Variants in PCDH15 observed in about 807,000 individuals in gnomAD.
The protein encoded by PCDH15 is protocadherin related 15.
Under a neutral mutation model 178.5 loss-of-function variants are expected in PCDH15, and 129 were observed. The ratio of observed to expected loss-of-function variants is 0.72; its 90% CI spans 0.63 to 0.84. The LOEUF (loss-of-function observed/expected upper bound fraction) is 0.84. PCDH15 is among the 40% of genes least tolerant of loss of function. The pLI is 0.00. For missense variants in PCDH15, 2,230 were observed against 2,099.9 expected, an observed-to-expected ratio of 1.06 and a Z score of -1.21; for synonymous variants, 800 against 732.0, an observed-to-expected ratio of 1.09 and a Z score of -1.50.
At chr10:54,998,752 C>T (rs531794069) in intron 2 of PCDH15, among the ~76,000 whole-genome samples, 1 of 152,066 alleles carries the variant, frequency 6.6e-6, no homozygotes, top group South Asian at 2.1e-4. Flanking sequence ...ACTAAATTTG[C>T]TATTCTGTTT....
At chr10:55,577,085 T>C (rs1305881971) in intron 2 of PCDH15, among the ~76,000 whole-genome samples, 5 of 151,760 alleles carry the variant, frequency 3.3e-5, no homozygotes, top group African/African-American at 4.8e-5. Context: ...CTGCTAAAAA[T>C]ACAAAAATTA....
intron 13 of PCDH15, among the ~76,000 whole-genome samples, chr10:54,175,899 C>G (rs2047384306): frequency 6.6e-6 from 1 of 151,792 alleles, no homozygotes; most frequent in South Asian, 2.1e-4. Context: ...TGATAATTAC[C>G]TATGATATAG....
At chr10:54,840,228 T>G (rs1953395019) in intron 3 of PCDH15, among the ~76,000 whole-genome samples, 1 of 151,982 alleles carries the variant, frequency 6.6e-6, no homozygotes, top group African/African-American at 2.4e-5. Flanking sequence ...TCAAGAGTGT[T>G]AAAAATAACT....
intron 2 of PCDH15, among the ~76,000 whole-genome samples, chr10:54,980,967 G>A (rs998472287): frequency 2.6e-5 from 4 of 151,686 alleles, no homozygotes; most frequent in South Asian, 2.1e-4. Flanking sequence ...AAAATGAAAC[G>A]TACATCTTAT....
At chr10:55,152,162 T>C (rs1206090706) in intron 2 of PCDH15, among the ~76,000 whole-genome samples, 6 of 152,118 alleles carry the variant, frequency 3.9e-5, no homozygotes, top group East Asian at 3.9e-4. Context: ...AATTCAGATG[T>C]TTTTAAAAAG....
At chr10:55,435,423 A>C (rs1289862079) in intron 2 of PCDH15, among the ~76,000 whole-genome samples, 2 of 152,166 alleles carry the variant, frequency 1.3e-5, no homozygotes, top group Admixed American at 1.3e-4. Flanking sequence ...AAATAATTTA[A>C]AAACAAATTA....
intron 1 of PCDH15, among the ~76,000 whole-genome samples, chr10:55,231,063 G>A (rs1489056557): frequency 1.3e-5 from 2 of 151,964 alleles, no homozygotes; most frequent in African/African-American, 4.8e-5. Context: ...CAATATTTGT[G>A]ATATATAGAC....
intron 3 of PCDH15, among the ~76,000 whole-genome samples, chr10:54,824,905 G>T (rs1591722980): frequency 6.6e-6 from 1 of 151,712 alleles, no homozygotes; most frequent in East Asian, 1.9e-4. Flanking sequence ...TAAGTTTTAG[G>T]GTACATGTGC....
chr10:54,851,657 T>C (rs1273409486), intron 3 of PCDH15, among the ~76,000 whole-genome samples: 7 of 152,132 alleles, frequency 4.6e-5, no homozygotes, highest in Non-Finnish European at 7.4e-5. Context: ...TGCAGTGGCA[T>C]GACCTCGGCT....
chr10:55,051,383 T>C (rs1841155964), intron 2 of PCDH15, among the ~76,000 whole-genome samples: 1 of 152,170 alleles, frequency 6.6e-6, no homozygotes, highest in South Asian at 2.1e-4. Flanking sequence ...TATTTTAATA[T>C]AGTAAACAGT....
At position 54,317,337 on chromosome 10, in the gene PCDH15, A is replaced by G; in HGVS notation, c.810T>C (p.Leu270=). ...GACGGCAATCACGAGTGTTTGGCAC[A>G]AGGACACAAGGAAGAAACATTGGAC... ...DLGPMFLPCV[L]VPNTRDCRPL... Residue 270 remains leucine, a synonymous_variant, in exon 8 of 38, where the codon CTT becomes CTC. Coordinates refer to ENST00000644397, the MANE Select transcript of PCDH15 (RefSeq NM_001384140.1). 6.2e-7 allele frequency: 1 copy of G among 1,614,042 alleles called. No homozygotes were observed. The highest frequency in any genetic ancestry group is 1.1e-5 in the South Asian group (1 of 91,078).
intron 1 of PCDH15, among the ~76,000 whole-genome samples, chr10:54,746,460 G>T (rs1381412562): frequency 6.6e-6 from 1 of 152,136 alleles, no homozygotes; most frequent in Admixed American, 6.5e-5. Context: ...ATAACCAAAA[G>T]AGTATAAGTG....
chr10:54,068,140 G>A (rs1054828957), intron 17 of PCDH15, among the ~76,000 whole-genome samples: 2 of 151,990 alleles, frequency 1.3e-5, no homozygotes, highest in Admixed American at 6.6e-5. Context: ...GGATTTAGGT[G>A]ATCTGCCCTT....
chr10:55,093,947 G>C (rs927678515), intron 2 of PCDH15, among the ~76,000 whole-genome samples: 4 of 152,066 alleles, frequency 2.6e-5, no homozygotes, highest in East Asian at 1.9e-4. Flanking sequence ...GTTGGTGGGA[G>C]TGTAAACTAG....
At chr10:54,840,008 A>G (rs1953390190) in intron 3 of PCDH15, among the ~76,000 whole-genome samples, 1 of 152,018 alleles carries the variant, frequency 6.6e-6, no homozygotes, top group Non-Finnish European at 1.5e-5. Flanking sequence ...CACACACACA[A>G]TTAAAGGAGT....
At chr10:55,205,730 T>C (rs1287419194) in intron 1 of PCDH15, among the ~76,000 whole-genome samples, 2 of 151,874 alleles carry the variant, frequency 1.3e-5, no homozygotes, top group East Asian at 1.9e-4. Context: ...AGAAAGCATA[T>C]TGCATGTATT....
chr10:55,259,547 T>G (rs1386376425), intron 1 of PCDH15, among the ~76,000 whole-genome samples: 1 of 152,070 alleles, frequency 6.6e-6, no homozygotes, highest in Non-Finnish European at 1.5e-5. Flanking sequence ...AAAGACTCTT[T>G]GGAGTGAATT....
intron 2 of PCDH15, among the ~76,000 whole-genome samples, chr10:54,659,815 G>A (rs1274866167): frequency 6.7e-6 from 1 of 150,300 alleles, no homozygotes; most frequent in African/African-American, 2.4e-5. Context: ...CATGGAATCT[G>A]AACAACTTGC....
chr10:55,169,193 C>A (rs193247949), intron 1 of PCDH15, among the ~76,000 whole-genome samples: 29 of 152,212 alleles, frequency 1.9e-4, no homozygotes, highest in African/African-American at 6.7e-4. Context: ...TTAAAGCATA[C>A]AATTTCCCAC....
Sources: allele counts gnomAD v4.1 joint callset (sites outside exome capture counted in the v4.1 genomes callset), GRCh38; gene constraint gnomAD v4.1.1; transcripts MANE v1.5; gene names NCBI Gene and HGNC (gene_info 2026-07-23, HGNC 2026-07-21).